The following TPM1 variants were observed in gnomAD, a reference collection of about 807,000 sequenced individuals.
TPM1 encodes tropomyosin 1.
TPM1 carries 24 observed loss-of-function variants against 42.9 expected under a neutral mutation model. The ratio of observed to expected loss-of-function variants is 0.56; its 90% confidence interval spans 0.41 to 0.79. TPM1 has a LOEUF of 0.79. Ranked by LOEUF, TPM1 falls within the 30% of genes least tolerant of loss-of-function variation. The probability of loss-of-function intolerance (pLI) is 0.00; values close to 1 mark genes in which losing one functional copy is unlikely to be tolerated. For missense variants in TPM1, 158 were observed against 351.8 expected (o/e 0.45, Z 4.41); for synonymous variants, 136 against 130.1 (o/e 1.05, Z -0.31).
chr15:63,068,874 C>G (rs995231146), downstream of TPM1, among the ~76,000 whole-genome samples: 1 of 152,126 alleles, frequency 6.6e-6, no homozygotes, highest in Admixed American at 6.5e-5. Context: ...TAGGGCTGGG[C>G]GCGGTGGCTC....
intron 5 of TPM1, 87 bp downstream of exon 5, chr15:63,061,026 C>G (rs1440185922): frequency 9.7e-6 from 15 of 1,539,164 alleles, no homozygotes; most frequent in Non-Finnish European, 8.9e-7. Flanking sequence ...CTGCACATTA[C>G]CTGTTTCAGC....
intron 2 of TPM1, chr15:63,044,493 G>C (rs1024986788): frequency 7.1e-6 from 4 of 564,258 alleles, no homozygotes; most frequent in Non-Finnish European, 1.3e-5. Flanking sequence ...ACCAAGGTTT[G>C]TGTAGAGAAT....
At chr15:63,068,303 T>C (rs759443848), downstream of TPM1, among the ~76,000 whole-genome samples, 2 of 152,072 alleles carry the variant, frequency 1.3e-5, no homozygotes, top group African/African-American at 2.4e-5. Flanking sequence ...GCATGTGTAT[T>C]TGGAGGCAAC....
At chr15:63,043,875 T>G in intron 1 of TPM1, 152 bp from the exon 2 acceptor site, 1 of 1,550,244 alleles carries the variant, frequency 6.5e-7, no homozygotes, top group African/African-American at 1.4e-5. Flanking sequence ...AATGGCTAAC[T>G]CTTTCTCTTT....
chr15:63,042,807 CA>C lies in TPM1; in HGVS notation c.-22del. 6.2e-7 allele frequency: 1 copy of C among 1,605,154 alleles called. No individual in the cohort carries two copies. Among genetic ancestry groups the C allele is most frequent in the Non-Finnish European group, 8.5e-7 (1 of 1,173,228 alleles). Reference sequence around the variant, plus strand: ...CGCCCCGCCGCTCCTGCTGCAGCCCCAGGGCCCCTCGCCGCCGCCACCATGG... The same window carrying C: ...CGCCCCGCCGCTCCTGCTGCAGCCCCGGGCCCCTCGCCGCCGCCACCATGG... On this transcript the variant is annotated 5_prime_UTR_variant, in exon 1 of 10. Transcript: ENST00000403994.
At chr15:63,043,909 C>T (rs1264800333) in intron 1 of TPM1, 118 bp from the exon 2 acceptor site, 20 of 1,552,992 alleles carry the variant, frequency 1.3e-5, no homozygotes, top group Non-Finnish European at 1.7e-5. Context: ...CCTGTCTTTC[C>T]CTCTGTCTCT....
Position 63,066,062 on chromosome 15 carries a change from G to A in TPM1, c.*163G>A, listed in dbSNP as rs1288031744. Reference sequence around the variant, plus strand: ...GCTTTCTATTGTACAGAAGCTCTTCGTTTCAGTGTCAAATAAACACTGTGT... The same window carrying A: ...GCTTTCTATTGTACAGAAGCTCTTCATTTCAGTGTCAAATAAACACTGTGT... On this transcript the variant is annotated 3_prime_UTR_variant, in exon 10 of 10. Coordinates refer to ENST00000403994, the MANE Select transcript of TPM1 (RefSeq NM_001018005.2). 29 of 1,536,534 alleles carry A rather than the reference G, an allele frequency of 1.9e-5. No individual in the cohort carries two copies. Among genetic ancestry groups the A allele is most frequent in the East Asian group, 4.9e-5 (2 of 40,928 alleles).
intron 5 of TPM1, chr15:63,061,161 G>A: frequency 6.2e-7 from 1 of 1,605,500 alleles, no homozygotes; most frequent in Non-Finnish European, 8.5e-7. Context: ...CACTGATTTT[G>A]TGAATGGCCT....
chr15:63,064,311 G>T, intron 9 of TPM1, 169 bp downstream of exon 9: 1 of 1,511,882 alleles, frequency 6.6e-7, no homozygotes, highest in Admixed American at 2.0e-5. Context: ...TAATATAAAG[G>T]CCAATTAGAT....
At chr15:63,058,743 T>C (rs1224625081) in intron 3 of TPM1, among the ~76,000 whole-genome samples, 1 of 152,224 alleles carries the variant, frequency 6.6e-6, no homozygotes, top group Non-Finnish European at 1.5e-5. Context: ...GGTTCACTTA[T>C]ACTGCCTACT....
At chr15:63,061,540 G>T (rs991791791) in intron 5 of TPM1, 173 bp from the exon 6 acceptor site, 4 of 754,264 alleles carry the variant, frequency 5.3e-6, no homozygotes, top group African/African-American at 1.7e-5. Context: ...TGCGAGGTTG[G>T]GGGGCAGTGT....
intron 8 of TPM1, 78 bp from the exon 9 acceptor site, chr15:63,063,986 G>T: frequency 1.3e-6 from 2 of 1,585,668 alleles, no homozygotes; most frequent in Non-Finnish European, 1.7e-6. Flanking sequence ...GATGGTGCGC[G>T]CACCACCCTC....
chr15:63,070,104 TC>T, downstream of TPM1: 1 of 1,513,404 alleles, frequency 6.6e-7, no homozygotes, highest in Non-Finnish European at 8.8e-7. Context: ...CCTGCTTGTT[TC>T]TCTATATGGC....
At position 63,048,808 on chromosome 15, in the gene TPM1, C is replaced by A. The variant is rs539266974; in HGVS notation, c.240+4656C>A. On this transcript the variant is annotated intron_variant, in intron 2 of 9. Coordinates refer to ENST00000403994, the MANE Select transcript of TPM1 (RefSeq NM_001018005.2). ...TCCCCCCCCGCAGGCCCCGGTCCCT[C>A]GTCCCCACGCCTCCAGGGCGCACCT... The A allele has an allele frequency of 8.8e-5, 129 of 1,463,634 alleles. 2 individuals carry two copies. The South Asian group carries it at 1.5e-3, about 17-fold the overall frequency. The allele number at this position is 1,463,634 out of a possible 1,614,324, so 90.7% of individuals were successfully genotyped here. A position where few individuals can be genotyped will look rare whatever the true frequency, so the allele number is the denominator to read the frequency against.
intron 8 of TPM1, 77 bp downstream of exon 8, chr15:63,062,722 G>A (rs746085373): frequency 7.5e-6 from 12 of 1,610,470 alleles, no homozygotes; most frequent in East Asian, 4.5e-5. Context: ...TCCAATTCAA[G>A]GGCATCCACA....
chr15:63,059,734 G>C (rs746120962), intron 4 of TPM1, 54 bp downstream of exon 4: 5 of 1,299,596 alleles, frequency 3.8e-6, no homozygotes. Flanking sequence ...CCTTCAGGAA[G>C]CCAGGGAGCA....
intron 2 of TPM1, chr15:63,048,096 G>C: frequency 2.5e-5 from 10 of 403,858 alleles, no homozygotes; most frequent in South Asian, 1.6e-4. Flanking sequence ...TGGCTCCCGG[G>C]CATGGGAATC....
At chr15:63,057,319 A>G (rs1323349117) in intron 3 of TPM1, among the ~76,000 whole-genome samples, 1 of 152,220 alleles carries the variant, frequency 6.6e-6, no homozygotes, top group Non-Finnish European at 1.5e-5. Context: ...GCACTGTCCT[A>G]AGCCCTAAGG....
At position 63,065,887 on chromosome 15, in the gene TPM1, T is replaced by G; in HGVS notation, c.852-9T>G. On this transcript the variant is annotated splice_polypyrimidine_tract_variant and intron_variant, in intron 9 of 9. Transcript: ENST00000403994. ...TTTTTTTTCCTCCCACCTTTTTATC[T>G]TCACGCAGATAAGTTTCTTTGCTTC... is the stretch of plus-strand genomic sequence containing the variant. 2 of 1,609,266 alleles carry G rather than the reference T, an allele frequency of 1.2e-6. No individual in the cohort carries two copies. Among genetic ancestry groups the G allele is most frequent in the Non-Finnish European group, 1.7e-6 (2 of 1,178,610 alleles).
Sources: allele counts gnomAD v4.1 joint callset (sites outside exome capture counted in the v4.1 genomes callset), GRCh38; gene constraint gnomAD v4.1.1; transcripts MANE v1.5; gene names NCBI Gene and HGNC (gene_info 2026-07-23, HGNC 2026-07-21).